Variants in PPP4R2 observed in about 807,000 individuals in gnomAD.
PPP4R2 encodes serine/threonine-protein phosphatase 4 regulatory subunit 2.
Under a neutral mutation model 47.2 loss-of-function variants are expected in PPP4R2, and 13 were observed. The ratio of observed to expected loss-of-function variants is 0.28; its 90% CI spans 0.18 to 0.44. The LOEUF (loss-of-function observed/expected upper bound fraction) is 0.44, where lower values mean the gene tolerates loss of function less well. PPP4R2 is among the 20% of genes least tolerant of loss of function. The probability of loss-of-function intolerance (pLI) is 1.00; values close to 1 mark genes in which losing one functional copy is unlikely to be tolerated. For missense variants in PPP4R2, 421 were observed against 491.2 expected (o/e 0.86, Z 1.35); for synonymous variants, 151 against 163.3 (o/e 0.92, Z 0.57).
intron 2 of PPP4R2, among the ~76,000 whole-genome samples, chr3:73,046,622 A>G (rs1702493833): frequency 6.6e-6 from 1 of 152,150 alleles, no homozygotes; most frequent in Admixed American, 6.5e-5. Flanking sequence ...GTTGGATAGA[A>G]CCTGTGATTA....
chr3:73,041,450 G>C (rs1207130753), intron 2 of PPP4R2, among the ~76,000 whole-genome samples: 1 of 152,128 alleles, frequency 6.6e-6, no homozygotes, highest in African/African-American at 2.4e-5. Flanking sequence ...GTTTGCCTCA[G>C]TCATATAATT....
intron 2 of PPP4R2, among the ~76,000 whole-genome samples, chr3:73,045,770 G>A (rs553582457): frequency 7.9e-5 from 12 of 152,124 alleles, no homozygotes; most frequent in Admixed American, 4.6e-4. Context: ...CAGGTGATCC[G>A]CCTGCTGGGT....
intron 3 of PPP4R2, among the ~76,000 whole-genome samples, chr3:73,058,303 T>G (rs576459122): frequency 2.1e-4 from 32 of 152,246 alleles, no homozygotes; most frequent in Non-Finnish European, 4.3e-4. Context: ...GTAGTTTTGT[T>G]TGAACATTTT....
At chr3:73,049,058 T>C (rs1017852095) in intron 3 of PPP4R2, among the ~76,000 whole-genome samples, 1 of 152,202 alleles carries the variant, frequency 6.6e-6, no homozygotes, top group East Asian at 1.9e-4. Flanking sequence ...AATATGTGTA[T>C]ATTTCCATAT....
intron 4 of PPP4R2, among the ~76,000 whole-genome samples, chr3:73,060,691 A>G (rs1030057402): frequency 4.6e-5 from 7 of 152,206 alleles, no homozygotes; most frequent in African/African-American, 9.6e-5. Flanking sequence ...AAGTACTTCA[A>G]TCTCTCAACA....
At position 73,062,514 on chromosome 3, in the gene PPP4R2, G is replaced by T; in HGVS notation, c.420-1159G>T. 1 of 1,613,842 alleles carries T rather than the reference G, an allele frequency of 6.2e-7. No individual in the cohort carries two copies. Among genetic ancestry groups the T allele is most frequent in the Non-Finnish European group, 8.5e-7 (1 of 1,179,808 alleles). On this transcript the variant is annotated intron_variant, in intron 5 of 8. Coordinates refer to ENST00000356692, the MANE Select transcript of PPP4R2 (RefSeq NM_174907.4). ...ACACCAGGCATTACTGAGTGTTGGTGTGAGCAAGAGGTCTAATACTGTGGT... is the reference window on the plus strand; with the variant it reads ...ACACCAGGCATTACTGAGTGTTGGTTTGAGCAAGAGGTCTAATACTGTGGT...
intron 2 of PPP4R2, among the ~76,000 whole-genome samples, chr3:73,011,113 C>G (rs1248394724): frequency 6.6e-6 from 1 of 152,196 alleles, no homozygotes; most frequent in Admixed American, 6.5e-5. Context: ...CCATTTGCCC[C>G]TTGTTCAGTT....
chr3:73,053,044 G>A (rs1702652585), intron 3 of PPP4R2, among the ~76,000 whole-genome samples: 1 of 152,238 alleles, frequency 6.6e-6, no homozygotes, highest in African/African-American at 2.4e-5. Context: ...GGGACTGAGA[G>A]AATGGGTCCT....
chr3:73,022,786 T>A (rs201586391), intron 2 of PPP4R2, among the ~76,000 whole-genome samples: 3 of 148,868 alleles, frequency 2.0e-5, no homozygotes, highest in African/African-American at 4.9e-5. Flanking sequence ...TTTTTTTTTT[T>A]AAACAATGCA....
chr3:73,001,484 G>T (rs142065862), intron 2 of PPP4R2, among the ~76,000 whole-genome samples: 1 of 58,386 alleles, frequency 1.7e-5, no homozygotes, highest in South Asian at 4.0e-4. Flanking sequence ...GGAGGTAGGA[G>T]GATCACCTGA....
At chr3:73,058,276 C>A (rs1407235821) in intron 3 of PPP4R2, among the ~76,000 whole-genome samples, 3 of 151,924 alleles carry the variant, frequency 2.0e-5, no homozygotes, top group Non-Finnish European at 4.4e-5. Flanking sequence ...TGGAGCAGAA[C>A]CACATTTAAA....
intron 2 of PPP4R2, among the ~76,000 whole-genome samples, chr3:73,023,435 C>T (rs556086140): frequency 6.6e-6 from 1 of 152,148 alleles, no homozygotes; most frequent in Non-Finnish European, 1.5e-5. Context: ...ATCCACCCGC[C>T]TTGGCCTCAC....
chr3:73,021,844 C>CTGTGTGTGTG (rs1172743928), intron 2 of PPP4R2, among the ~76,000 whole-genome samples: 1 of 137,308 alleles, frequency 7.3e-6, no homozygotes, highest in Admixed American at 7.5e-5. Context: ...TATTACATTT[C>CTGTGTGTGTG]TATATGTGTG....
chr3:73,022,114 C>G (rs915172100), intron 2 of PPP4R2, among the ~76,000 whole-genome samples: 1 of 151,892 alleles, frequency 6.6e-6, no homozygotes, highest in Non-Finnish European at 1.5e-5. Context: ...CCAGGCTGGT[C>G]TCGAACTCCT....
chr3:73,035,114 G>T (rs757180189), intron 2 of PPP4R2, among the ~76,000 whole-genome samples: 4 of 152,126 alleles, frequency 2.6e-5, no homozygotes, highest in Non-Finnish European at 5.9e-5. Context: ...AATTAAAATG[G>T]GCTAATTATC....
chr3:73,039,920 G>A (rs561301027), intron 2 of PPP4R2, among the ~76,000 whole-genome samples: 14 of 152,166 alleles, frequency 9.2e-5, no homozygotes, highest in Non-Finnish European at 1.9e-4. Context: ...CAGGCATGGT[G>A]GCAGGTGCCT....
chr3:73,060,808 A>C (rs1039287136), intron 4 of PPP4R2, among the ~76,000 whole-genome samples: 8 of 152,148 alleles, frequency 5.3e-5, no homozygotes, highest in African/African-American at 1.9e-4. Context: ...GGAAAAAAAA[A>C]ATTAGTGGCT....
At chr3:73,059,789 G>A (rs545841114) in intron 4 of PPP4R2, among the ~76,000 whole-genome samples, 9 of 152,098 alleles carry the variant, frequency 5.9e-5, no homozygotes, top group Non-Finnish European at 1.5e-5. Flanking sequence ...ACAAAAACTA[G>A]CCGGGCGTGG....
chr3:73,034,957 A>T (rs966914792), intron 2 of PPP4R2, among the ~76,000 whole-genome samples: 1 of 152,238 alleles, frequency 6.6e-6, no homozygotes, highest in Admixed American at 6.5e-5. Flanking sequence ...GATTACATCA[A>T]GCTAAAAAGC....
Sources: gnomAD v4.1 joint callset for allele counts (sites outside exome capture counted in the v4.1 genomes callset) on GRCh38, gnomAD v4.1.1 for gene constraint, MANE v1.5 for transcripts, NCBI Gene and HGNC (gene_info 2026-07-23, HGNC 2026-07-21) for gene names.